The following PPARGC1A variants were observed in gnomAD, a reference collection of about 807,000 sequenced individuals.
PPARGC1A encodes the protein peroxisome proliferator-activated receptor gamma coactivator 1-alpha.
A neutral mutation model predicts 88.7 loss-of-function variants in PPARGC1A; 25 were observed. The observed-to-expected ratio is 0.28, with a 90% CI of 0.21 to 0.39. The LOEUF (loss-of-function observed/expected upper bound fraction) is 0.39. Among genes scored for constraint, PPARGC1A ranks in the 10% least tolerant of loss-of-function variants. PPARGC1A has a pLI of 1.00. For synonymous variants in PPARGC1A, 363 were observed against 355.6 expected (o/e 1.02, Z -0.24); for missense variants, 880 against 968.7 (o/e 0.91, Z 1.22).
the PPARGC1A span, among the ~76,000 whole-genome samples, chr4:24,099,833 A>C: frequency 6.6e-6 from 1 of 151,976 alleles, no homozygotes; most frequent in Non-Finnish European, 1.5e-5. Context: ...GGAGAGAATT[A>C]AGAAGGCAAT....
chr4:23,953,959 T>C, the PPARGC1A span, among the ~76,000 whole-genome samples: 1 of 151,968 alleles, frequency 6.6e-6, no homozygotes, highest in East Asian at 1.9e-4. Flanking sequence ...TACTAGAAAA[T>C]ATTCAGTTAA....
chr4:24,087,261 C>CCT, the PPARGC1A span, among the ~76,000 whole-genome samples: 1 of 152,168 alleles, frequency 6.6e-6, no homozygotes, highest in Non-Finnish European at 1.5e-5. Flanking sequence ...GGCTTAGGAA[C>CCT]CTGTCTCTGC....
the PPARGC1A span, among the ~76,000 whole-genome samples, chr4:23,988,070 A>AATG: frequency 6.6e-6 from 1 of 151,784 alleles, no homozygotes; most frequent in Non-Finnish European, 1.5e-5. Flanking sequence ...GTTTGCTGAG[A>AATG]ATGATGGTTT....
chr4:24,375,848 C>T, the PPARGC1A span, among the ~76,000 whole-genome samples: 1 of 152,016 alleles, frequency 6.6e-6, no homozygotes, highest in Non-Finnish European at 1.5e-5. Context: ...AGAGCAAACC[C>T]AAACTCCTAA....
chr4:24,355,193 C>T, the PPARGC1A span, among the ~76,000 whole-genome samples: 8 of 152,132 alleles, frequency 5.3e-5, no homozygotes, highest in Non-Finnish European at 1.5e-5. Flanking sequence ...GGAACCAAAC[C>T]GATTTTAAAA....
chr4:24,078,524 A>G, the PPARGC1A span, among the ~76,000 whole-genome samples: 1 of 152,222 alleles, frequency 6.6e-6, no homozygotes, highest in East Asian at 1.9e-4. Flanking sequence ...ATTAGAAAGC[A>G]AACTGTTGTA....
chr4:24,221,231 A>C, the PPARGC1A span, among the ~76,000 whole-genome samples: 1 of 152,196 alleles, frequency 6.6e-6, no homozygotes, highest in African/African-American at 2.4e-5. Flanking sequence ...TTAAATTTTT[A>C]CTATATTTTA....
intron 2 of PPARGC1A, among the ~76,000 whole-genome samples, chr4:23,877,216 G>A (rs1417645180): frequency 6.6e-6 from 1 of 151,892 alleles, no homozygotes; most frequent in Non-Finnish European, 1.5e-5. Flanking sequence ...TGAGCGCACA[G>A]TCTTAAAAGT....
chr4:23,889,927 C>G lies in PPARGC1A; in HGVS notation c.31G>C (p.Glu11Gln), dbSNP rs1577672162. Residue 11 changes from glutamate to glutamine, a missense_variant, in exon 1 of 13, where the codon GAG (glutamate) becomes CAG (glutamine). By Grantham distance (29) the Glu-to-Gln change is conservative (BLOSUM62 2). Transcript: ENST00000264867. MAWDMCNQDS[E>Q]SVWSDIECAA... is the part of the protein sequence containing the mutation. ...ACCTCGATGTCACTCCATACAGACT[C>G]AGAGTCCTGGTTGCACATGTCCCAC... 6.2e-7 allele frequency: 1 copy of G among 1,613,870 alleles called. No individual in the cohort carries two copies. Among genetic ancestry groups the G allele is most frequent in the East Asian group, 2.2e-5 (1 of 44,872 alleles).
At chr4:24,244,279 C>G in the PPARGC1A span, among the ~76,000 whole-genome samples, 1 of 152,048 alleles carries the variant, frequency 6.6e-6, no homozygotes, top group Non-Finnish European at 1.5e-5. Context: ...ACAGAACTGC[C>G]TTTTATTTCT....
At chr4:24,077,684 T>C in the PPARGC1A span, among the ~76,000 whole-genome samples, 1 of 149,082 alleles carries the variant, frequency 6.7e-6, no homozygotes, top group African/African-American at 2.5e-5. Context: ...TCATTCATTA[T>C]GCTAACATTG....
At chr4:23,909,039 C>T (rs1364848501), upstream of PPARGC1A, among the ~76,000 whole-genome samples, 4 of 152,118 alleles carry the variant, frequency 2.6e-5, no homozygotes, top group Admixed American at 6.5e-5. Flanking sequence ...ATCAAAATAT[C>T]CACATGTGAT....
chr4:24,175,292 G>A, the PPARGC1A span, among the ~76,000 whole-genome samples: 4 of 151,648 alleles, frequency 2.6e-5, no homozygotes, highest in African/African-American at 9.7e-5. Context: ...CAATGATAAA[G>A]AGATGATCCC....
the PPARGC1A span, among the ~76,000 whole-genome samples, chr4:24,439,971 T>C: frequency 6.6e-6 from 1 of 152,216 alleles, no homozygotes; most frequent in Non-Finnish European, 1.5e-5. Flanking sequence ...CTAATTTCTC[T>C]CCTCATTATT....
the PPARGC1A span, among the ~76,000 whole-genome samples, chr4:24,289,383 C>CCCA: frequency 1.3e-5 from 2 of 152,162 alleles, no homozygotes; most frequent in East Asian, 1.9e-4. Flanking sequence ...GCTGAACCTT[C>CCCA]CCACCCAAGG....
the PPARGC1A span, among the ~76,000 whole-genome samples, chr4:24,115,743 G>A: frequency 1.3e-5 from 2 of 152,022 alleles, no homozygotes; most frequent in Admixed American, 1.3e-4. Flanking sequence ...AATCATTAAT[G>A]GCTCTTCTTC....
the PPARGC1A span, among the ~76,000 whole-genome samples, chr4:24,199,267 T>C: frequency 1.3e-5 from 2 of 152,172 alleles, no homozygotes; most frequent in Non-Finnish European, 2.9e-5. Context: ...ATAACAAACA[T>C]TTTCTGAGCT....
the PPARGC1A span, among the ~76,000 whole-genome samples, chr4:24,059,410 T>C: frequency 5.9e-5 from 9 of 152,150 alleles, no homozygotes; most frequent in African/African-American, 1.7e-4. Flanking sequence ...GCAGAATGCA[T>C]TGTCCCCATA....
chr4:24,347,324 C>T, the PPARGC1A span, among the ~76,000 whole-genome samples: 11 of 152,106 alleles, frequency 7.2e-5, no homozygotes, highest in Admixed American at 2.6e-4. Flanking sequence ...TCTTTGTTGA[C>T]TTTCTGTCTT....
Sources: gnomAD v4.1 joint callset for allele counts (sites outside exome capture counted in the v4.1 genomes callset) on GRCh38, gnomAD v4.1.1 for gene constraint, MANE v1.5 for transcripts, NCBI Gene and HGNC (gene_info 2026-07-23, HGNC 2026-07-21) for gene names.